AFDN: variants seen among roughly 807,000 people sequenced by gnomAD.
AFDN encodes afadin, adherens junction formation factor.
AFDN carries 68 observed loss-of-function variants against 216.6 expected under a neutral mutation model. The observed-to-expected ratio is 0.31, with a 90% CI of 0.26 to 0.38. The LOEUF (loss-of-function observed/expected upper bound fraction) is 0.38, where lower values mean the gene tolerates loss of function less well. Among genes scored for constraint, AFDN ranks in the 10% least tolerant of loss-of-function variants. The pLI, the probability that AFDN is intolerant of heterozygous loss-of-function variation, is 1.00. For synonymous variants in AFDN, 868 were observed against 853.7 expected (o/e 1.02, Z -0.29); for missense variants, 2,136 against 2,342.0 (o/e 0.91, Z 1.82).
chr6:167,966,284 A>G (rs1260287075), intron 32 of AFDN: 2 of 1,498,034 alleles, frequency 1.3e-6, no homozygotes, highest in East Asian at 5.2e-5. Flanking sequence ...GAGGTAAAAG[A>G]GTGACAAATC....
chr6:167,923,353 T>G (rs1479060910), intron 22 of AFDN: 1 of 153,548 alleles, frequency 6.5e-6, no homozygotes, highest in African/African-American at 2.4e-5. Flanking sequence ...TTTAGTAATA[T>G]TTTATATCTT....
intron 17 of AFDN, 119 bp from the exon 18 acceptor site, chr6:167,914,524 CA>C (rs1790798338): frequency 1.1e-6 from 1 of 916,950 alleles, no homozygotes; most frequent in Admixed American, 2.8e-5. Context: ...TTCAAGATTC[CA>C]CATTTTTTTT....
At chr6:167,945,104 T>A (rs1795114359) in intron 26 of AFDN, among the ~76,000 whole-genome samples, 2 of 150,852 alleles carry the variant, frequency 1.3e-5, no homozygotes, top group Non-Finnish European at 3.0e-5. Context: ...CACAAACATG[T>A]TGTACAACTG....
chr6:167,966,664 A>G (rs999020444), intron 32 of AFDN, among the ~76,000 whole-genome samples: 1 of 152,182 alleles, frequency 6.6e-6, no homozygotes, highest in Admixed American at 6.5e-5. Flanking sequence ...TCTAGAGACA[A>G]AGGTTATAAT....
At chr6:167,839,807 T>C (rs1780854791) in intron 1 of AFDN, among the ~76,000 whole-genome samples, 1 of 152,234 alleles carries the variant, frequency 6.6e-6, no homozygotes, top group Non-Finnish European at 1.5e-5. Context: ...AAAATGGCAG[T>C]AGTATGGTAA....
At chr6:167,965,139 G>T in intron 31 of AFDN, 2 of 870,722 alleles carry the variant, frequency 2.3e-6, no homozygotes, top group Non-Finnish European at 2.8e-6. Context: ...TACTTTGGGA[G>T]AATGAGTGTT....
intron 5 of AFDN, among the ~76,000 whole-genome samples, chr6:167,879,567 A>G (rs1785852198): frequency 6.6e-6 from 1 of 152,176 alleles, no homozygotes; most frequent in Admixed American, 6.5e-5. Flanking sequence ...TGGACTTCAG[A>G]TTTCAGGTTA....
At chr6:167,917,511 G>A (rs552327727) in intron 20 of AFDN, among the ~76,000 whole-genome samples, 1 of 152,328 alleles carries the variant, frequency 6.6e-6, no homozygotes, top group South Asian at 2.1e-4. Context: ...GGGTTCCAGT[G>A]TACGTAGCCA....
chr6:167,915,184 G>A lies in AFDN; in HGVS notation c.2316G>A (p.Thr772=), dbSNP rs139626711. The A allele has an allele frequency of 1.9e-6, 3 of 1,614,034 alleles. No homozygotes were observed. Among genetic ancestry groups the A allele is most frequent in the Non-Finnish European group, 2.5e-6 (3 of 1,180,044 alleles). Residue 772 remains threonine (T), a synonymous_variant, in exon 19 of 34, where the codon ACG becomes ACA. Coordinates refer to ENST00000683244, the MANE Select transcript of AFDN (RefSeq NM_001386888.1). ...TCTGGGCAGATGATGTGCTGCACAC[G>A]CTCACAGGAGCCATGTCCTTGCTAC... is the stretch of plus-strand genomic sequence containing the variant. ...QRPKIDDVLH[T]LTGAMSLLRR... is the part of the protein sequence containing the mutation.
intron 30 of AFDN, among the ~76,000 whole-genome samples, chr6:167,955,935 T>C (rs935231224): frequency 2.0e-5 from 3 of 151,616 alleles, no homozygotes; most frequent in East Asian, 1.9e-4. Context: ...ACCAACATGG[T>C]GAAACCTCGT....
In AFDN at chr6:167,951,053, T is replaced by C; in HGVS notation, c.3832-133T>C. 3 of 1,333,812 alleles carry C rather than the reference T, an allele frequency of 2.2e-6. No homozygotes were observed. Among genetic ancestry groups the C allele is most frequent in the East Asian group, 5.2e-5 (2 of 38,538 alleles). 82.6% of individuals were successfully genotyped at this position (1,333,812 alleles called of 1,614,324 possible). A position where few individuals can be genotyped will look rare whatever the true frequency, so the allele number is the denominator to read the frequency against. Reference sequence around the variant, plus strand: ...GTTACTCCACATTAGCCAATGAGCCTTGTAGGGCAGTCTCAGTCTCTTTCT... The same window carrying C: ...GTTACTCCACATTAGCCAATGAGCCCTGTAGGGCAGTCTCAGTCTCTTTCT... On this transcript the variant is annotated intron_variant, in intron 29 of 33. Coordinates refer to ENST00000683244, the MANE Select transcript of AFDN (RefSeq NM_001386888.1). This position sits in a 1 kb window ranked among gnomAD's most constrained non-coding sequence, Gnocchi z 7.1.
intron 23 of AFDN, among the ~76,000 whole-genome samples, chr6:167,929,098 C>A (rs944673266): frequency 2.0e-5 from 3 of 151,986 alleles, no homozygotes; most frequent in African/African-American, 7.3e-5. Flanking sequence ...AGACTAGGTT[C>A]TTTGTACTTT....
intron 12 of AFDN, among the ~76,000 whole-genome samples, chr6:167,906,336 T>A (rs889282478): frequency 2.6e-5 from 4 of 152,224 alleles, no homozygotes; most frequent in African/African-American, 4.8e-5. Context: ...AAAAAGTGTT[T>A]TTTTATCAAG....
intron 1 of AFDN, among the ~76,000 whole-genome samples, chr6:167,847,915 C>T (rs998323728): frequency 6.6e-6 from 1 of 152,030 alleles, no homozygotes; most frequent in Admixed American, 6.6e-5. Flanking sequence ...ATTCCTAATA[C>T]CGTTTTTTCA....
Position 167,864,647 on chromosome 6 carries a change from A to G in AFDN, c.202A>G (p.Thr68Ala), listed in dbSNP as rs774252502. ...KCIRVSSTAT[T>A]QDVIETLAEK... ...TATTCGGGTCTCTAGTACTGCCACC[A>G]CTCAAGATGTAATCGAAACGCTCGC... The change falls in exon 2 of 34, where the codon ACT (threonine) becomes GCT (alanine). Residue 68 changes from threonine to alanine, a missense_variant. Thr to Ala is a moderately conservative substitution (Grantham distance 58). Coordinates refer to ENST00000683244, the MANE Select transcript of AFDN (RefSeq NM_001386888.1). 1.2e-6 allele frequency: 2 copies of G among 1,614,178 alleles called. No homozygotes were observed. The highest frequency in any genetic ancestry group is 1.7e-6 in the Non-Finnish European group (2 of 1,180,028).
At chr6:167,964,884 C>G in intron 31 of AFDN, 1 of 1,064,320 alleles carries the variant, frequency 9.4e-7, no homozygotes. Context: ...TGCTCTAAAA[C>G]TTTTGTCAAT....
intron 2 of AFDN, among the ~76,000 whole-genome samples, chr6:167,868,035 C>T (rs1253911143): frequency 6.6e-6 from 1 of 152,220 alleles, no homozygotes; most frequent in Admixed American, 6.5e-5. Flanking sequence ...GCCTCTCTTT[C>T]TGACAGTTTT....
chr6:167,876,514 T>A (rs926385994), intron 5 of AFDN, among the ~76,000 whole-genome samples: 4 of 152,224 alleles, frequency 2.6e-5, no homozygotes, highest in Non-Finnish European at 4.4e-5. Flanking sequence ...AGAGGAATGC[T>A]AAGAAATGGC....
Position 167,915,153 on chromosome 6 carries a change from AC to A in AFDN, c.2300-12del. 1 of 1,613,060 alleles carries A rather than the reference AC, an allele frequency of 6.2e-7. No homozygotes were observed. Among genetic ancestry groups the A allele is most frequent in the Non-Finnish European group, 8.5e-7 (1 of 1,179,600 alleles). ...GACATTTTGCTCCTCTTGTCCTCTC[AC>A]CCTGTCTGGGCAGATGATGTGCTGC... On this transcript the variant is annotated splice_polypyrimidine_tract_variant and intron_variant, in intron 18 of 33. Transcript: ENST00000683244.
Sources: allele counts gnomAD v4.1 joint callset (sites outside exome capture counted in the v4.1 genomes callset), GRCh38; gene constraint gnomAD v4.1.1; non-coding constraint Gnocchi (gnomAD v3.1); transcripts MANE v1.5; gene names NCBI Gene and HGNC (gene_info 2026-07-23, HGNC 2026-07-21).